The following AAK1 variants were observed in gnomAD, a reference collection of about 807,000 sequenced individuals.
The protein encoded by AAK1 is AP2-associated protein kinase 1.
AAK1 carries 37 observed loss-of-function variants against 116.0 expected under a neutral mutation model. The ratio of observed to expected loss-of-function variants is 0.32; its 90% CI spans 0.25 to 0.42. The LOEUF (loss-of-function observed/expected upper bound fraction) is 0.42, where lower values mean the gene tolerates loss of function less well. AAK1 is among the 10% of genes least tolerant of loss of function. The pLI is 1.00. For synonymous variants in AAK1, 458 were observed against 439.9 expected, an observed-to-expected ratio of 1.04 and a Z score of -0.51; for missense variants, 919 against 1,170.6, an observed-to-expected ratio of 0.79 and a Z score of 3.14.
chr2:69,643,150 G>A lies in AAK1; in HGVS notation c.-110C>T, dbSNP rs111987212. ...AGGATTTCTTCTCAGATTTCACCTCGGAGAGGAGCCACCCGAATCCGGCCG... is the reference window on the plus strand; with the variant it reads ...AGGATTTCTTCTCAGATTTCACCTCAGAGAGGAGCCACCCGAATCCGGCCG... On this transcript the variant is annotated 5_prime_UTR_variant, in exon 2 of 22. Transcript: ENST00000409085. 1,955 of 1,429,296 alleles carry A rather than the reference G, an allele frequency of 1.4e-3. 2 individuals carry two copies. Among genetic ancestry groups the A allele is most frequent in the Non-Finnish European group, 1.7e-3 (1,840 of 1,103,460 alleles). 88.5% of individuals were successfully genotyped at this position (1,429,296 alleles called of 1,614,324 possible).
At chr2:69,486,594 A>C (rs990204028) in intron 17 of AAK1, among the ~76,000 whole-genome samples, 3 of 152,128 alleles carry the variant, frequency 2.0e-5, no homozygotes, top group Admixed American at 6.5e-5. Flanking sequence ...CAGGACTCTC[A>C]CAGGGAAGGA....
At chr2:69,588,122 C>T (rs1672870283) in intron 2 of AAK1, among the ~76,000 whole-genome samples, 1 of 152,162 alleles carries the variant, frequency 6.6e-6, no homozygotes, top group African/African-American at 2.4e-5. Flanking sequence ...TCAAATCCCA[C>T]AGCCAACACT....
chr2:69,531,753 T>G, intron 6 of AAK1: 7 of 1,131,542 alleles, frequency 6.2e-6, no homozygotes, highest in Non-Finnish European at 7.6e-6. Context: ...CCTCTCAGCT[T>G]TTTATAGGCT....
At position 69,620,359 on chromosome 2, in the gene AAK1, T is replaced by A. The variant is rs538724303; in HGVS notation, c.163+22519A>T. ...TCTCTTCTGTTTTAACCTCAATCTCTCCCCTGACCTCCTCTCTCTAGCCTG... is the reference window on the plus strand; with the variant it reads ...TCTCTTCTGTTTTAACCTCAATCTCACCCCTGACCTCCTCTCTCTAGCCTG... On this transcript the variant is annotated intron_variant, in intron 2 of 21. Transcript: ENST00000409085. Among the ~76,000 whole-genome samples the A allele has an allele frequency of 1.9e-4, 29 of 152,258 alleles. No individual in the cohort carries two copies. The South Asian group carries it at 4.6e-3, about 24-fold the overall frequency.
chr2:69,498,155 G>T (rs765465637), intron 16 of AAK1, among the ~76,000 whole-genome samples: 3 of 152,126 alleles, frequency 2.0e-5, no homozygotes, highest in Admixed American at 6.5e-5. Flanking sequence ...AAATCATGGG[G>T]CTCAGCATCC....
Position 69,468,168 on chromosome 2 carries a change from G to A in AAK1, c.*7701C>T. ...ATAATTTTAGTATGTGCAGCTACAT[G>A]GTGATACGAAAGCATCAGTCAGTGG... is the stretch of plus-strand genomic sequence containing the variant. On this transcript the variant is annotated 3_prime_UTR_variant, in exon 22 of 22. Coordinates refer to ENST00000409085, the MANE Select transcript of AAK1 (RefSeq NM_014911.5). 1.0e-6 allele frequency: 1 copy of A among 985,174 alleles called. No homozygotes were observed. Among genetic ancestry groups the A allele is most frequent in the East Asian group, 1.1e-4 (1 of 8,826 alleles). 61.0% of individuals were successfully genotyped at this position (985,174 alleles called of 1,614,324 possible). A position where few individuals can be genotyped will look rare whatever the true frequency, so the allele number is the denominator to read the frequency against.
chr2:69,492,503 C>A (rs986532435), intron 17 of AAK1, among the ~76,000 whole-genome samples: 1 of 145,570 alleles, frequency 6.9e-6, no homozygotes, highest in Non-Finnish European at 1.5e-5. Context: ...CGTGAGCCAC[C>A]GTGCCTGGCC....
intron 2 of AAK1, among the ~76,000 whole-genome samples, chr2:69,612,581 C>T (rs986790627): frequency 1.3e-5 from 2 of 152,188 alleles, no homozygotes; most frequent in Admixed American, 1.3e-4. Flanking sequence ...AGAATGTTTT[C>T]ACATTGTTTG....
At chr2:69,513,250 C>T (rs916277638) in intron 13 of AAK1, among the ~76,000 whole-genome samples, 4 of 152,016 alleles carry the variant, frequency 2.6e-5, no homozygotes, top group South Asian at 2.1e-4. Context: ...TGCTTCCTTT[C>T]GAAGCGATGT....
In AAK1 at chr2:69,544,586, C is replaced by T. The variant is rs540415709; in HGVS notation, c.283-42G>A. 5.4e-4 allele frequency: 761 copies of T among 1,420,690 alleles called. 8 individuals are homozygous for T. The South Asian group carries it at 8.3e-3, about 16-fold the overall frequency. The allele number at this position is 1,420,690 out of a possible 1,614,324, so 88.0% of individuals were successfully genotyped here. On this transcript the variant is annotated intron_variant, in intron 3 of 21. Transcript: ENST00000409085. ...AGAAATATATTGTTAGTTTCAGATGCCAATAGGACAGAATTAGCCAGTCAG... is the reference window on the plus strand; with the variant it reads ...AGAAATATATTGTTAGTTTCAGATGTCAATAGGACAGAATTAGCCAGTCAG...
At chr2:69,531,691 T>G in intron 6 of AAK1, 1 of 1,026,378 alleles carries the variant, frequency 9.7e-7, no homozygotes, top group South Asian at 4.0e-5. Context: ...GATAATGTCA[T>G]GGTTGTTGTG....
chr2:69,512,863 G>T (rs1472838374), intron 13 of AAK1, among the ~76,000 whole-genome samples: 1 of 152,208 alleles, frequency 6.6e-6, no homozygotes, highest in Non-Finnish European at 1.5e-5. Flanking sequence ...AGTAGTAGTT[G>T]ATCATTTTAT....
intron 2 of AAK1, among the ~76,000 whole-genome samples, chr2:69,568,442 T>A (rs1444983854): frequency 6.6e-6 from 1 of 150,676 alleles, no homozygotes; most frequent in African/African-American, 2.4e-5. Flanking sequence ...TTTTTTTTTT[T>A]TTTTTTAAGA....
chr2:69,493,263 G>A (rs889562468), intron 17 of AAK1, among the ~76,000 whole-genome samples: 11 of 151,714 alleles, frequency 7.3e-5, no homozygotes, highest in Non-Finnish European at 5.9e-5. Flanking sequence ...CAAAGCCACC[G>A]TGGTAATATA....
rs1170547901 is a variant in AAK1, at chr2:69,527,274, T to C, written c.917A>G (p.Gln306Arg). 6.2e-7 allele frequency: 1 copy of C among 1,610,196 alleles called. No individual in the cohort carries two copies. The highest frequency in any genetic ancestry group is 8.5e-7 in the Non-Finnish European group (1 of 1,178,020). ...PDPDKRPDIY[Q>R]VSYFSFKLLK... The stretch of plus-strand genomic sequence containing the variant: ...TAGCTTAAATGAGAAGTAGGACACC[T>C]GGTAAATATCCGGCCTTTTGTCAGG... The change falls in exon 9 of 22, where the codon CAG (glutamine) becomes CGG (arginine). Residue 306 changes from glutamine to arginine, a missense_variant. Around this residue, in one of 4 missense-constraint regions of AAK1, gnomAD observed 317 missense variants for 490.4 expected, o/e 0.65. Coordinates refer to ENST00000409085, the MANE Select transcript of AAK1 (RefSeq NM_014911.5).
intron 2 of AAK1, among the ~76,000 whole-genome samples, chr2:69,583,112 G>C (rs1287853761): frequency 1.3e-5 from 2 of 152,222 alleles, no homozygotes; most frequent in Non-Finnish European, 2.9e-5. Flanking sequence ...ATGACCTTGA[G>C]CAAGTCACTA....
intron 2 of AAK1, among the ~76,000 whole-genome samples, chr2:69,564,193 A>G (rs1671770086): frequency 6.6e-6 from 1 of 151,004 alleles, no homozygotes; most frequent in Admixed American, 6.6e-5. Context: ...CTCCATCTCA[A>G]AAAAAAAAGA....
At chr2:69,492,477 G>A (rs1391229164) in intron 17 of AAK1, among the ~76,000 whole-genome samples, 2 of 149,342 alleles carry the variant, frequency 1.3e-5, no homozygotes, top group African/African-American at 5.0e-5. Context: ...GCCTCCCAGA[G>A]TGCTGGGATT....
chr2:69,598,866 G>C (rs929339048), intron 2 of AAK1: 1 of 278,536 alleles, frequency 3.6e-6, no homozygotes, highest in African/African-American at 2.3e-5. Flanking sequence ...TGTCAACTCA[G>C]ATGTGTGATT....
Sources: allele counts gnomAD v4.1 joint callset (sites outside exome capture counted in the v4.1 genomes callset), GRCh38; gene constraint gnomAD v4.1.1; regional missense constraint gnomAD v4.1.1; transcripts MANE v1.5; gene names NCBI Gene and HGNC (gene_info 2026-07-23, HGNC 2026-07-21).